The following DENND4A variants were observed in gnomAD, a reference collection of about 807,000 sequenced individuals.
The protein encoded by DENND4A is C-myc promoter-binding protein.
In DENND4A, 70 loss-of-function variants were observed where a neutral mutation model predicts 199.3. That is an observed-to-expected ratio of 0.35 (90% CI 0.29 to 0.43). The LOEUF (loss-of-function observed/expected upper bound fraction) is 0.43, where lower values mean the gene tolerates loss of function less well. Among genes scored for constraint, DENND4A ranks in the 20% least tolerant of loss-of-function variants. The pLI is 1.00. For missense variants in DENND4A, 1,723 were observed against 2,255.8 expected (o/e 0.76, Z 4.78); for synonymous variants, 686 against 766.9 (o/e 0.89, Z 1.74).
chr15:65,740,867 CAAGA>C (rs2076242852), intron 5 of DENND4A, among the ~76,000 whole-genome samples: 3 of 151,832 alleles, frequency 2.0e-5, no homozygotes, highest in African/African-American at 7.3e-5. Flanking sequence ...GAGACTGAGG[CAAGA>C]GGATACCTTG....
chr15:65,676,144 ATATAT>A (rs2076372396), intron 24 of DENND4A, among the ~76,000 whole-genome samples: 1 of 133,004 alleles, frequency 7.5e-6, no homozygotes, highest in South Asian at 2.5e-4. Flanking sequence ...AAGGAAAAAT[ATATAT>A]ATATATATAT....
intron 4 of DENND4A, among the ~76,000 whole-genome samples, chr15:65,747,568 T>C (rs2076434444): frequency 6.6e-6 from 1 of 152,108 alleles, no homozygotes; most frequent in African/African-American, 2.4e-5. Context: ...CTGATTTTAA[T>C]CACTATGAAA....
chr15:65,680,339 C>CTTT (rs2076528927), intron 23 of DENND4A, among the ~76,000 whole-genome samples: 1 of 152,092 alleles, frequency 6.6e-6, no homozygotes, highest in Admixed American at 6.5e-5. Context: ...TGATGGCATA[C>CTTT]TTTTCTTCTT....
intron 1 of DENND4A, among the ~76,000 whole-genome samples, chr15:65,775,735 T>C (rs934886631): frequency 5.3e-5 from 8 of 150,512 alleles, no homozygotes; most frequent in Non-Finnish European, 5.9e-5. Context: ...ATCAAAATTA[T>C]ATAACAAAAA....
intron 2 of DENND4A, among the ~76,000 whole-genome samples, chr15:65,758,646 A>G (rs1249783684): frequency 1.3e-5 from 2 of 152,328 alleles, no homozygotes; most frequent in East Asian, 1.9e-4. Context: ...TACATTCCAC[A>G]GTACCATCAT....
chr15:65,739,790 G>C (rs1223360032), intron 5 of DENND4A, among the ~76,000 whole-genome samples: 1 of 152,138 alleles, frequency 6.6e-6, no homozygotes, highest in African/African-American at 2.4e-5. Flanking sequence ...TTACATGCTA[G>C]CCAGCAAGTA....
At chr15:65,789,783 T>C (rs1215764343) in intron 1 of DENND4A, among the ~76,000 whole-genome samples, 1 of 152,210 alleles carries the variant, frequency 6.6e-6, no homozygotes, top group Admixed American at 6.5e-5. Flanking sequence ...TAGAATGCTT[T>C]GAAAAATTCT....
chr15:65,758,217 G>T (rs1175503675), intron 2 of DENND4A, among the ~76,000 whole-genome samples: 1 of 152,184 alleles, frequency 6.6e-6, no homozygotes. Flanking sequence ...TAACAGTAAT[G>T]CATGCTTACA....
chr15:65,698,210 A>G (rs1279846393), intron 20 of DENND4A, among the ~76,000 whole-genome samples: 4 of 152,220 alleles, frequency 2.6e-5, no homozygotes, highest in Non-Finnish European at 5.9e-5. Flanking sequence ...TCAAGGCTGC[A>G]GTGAACTATG....
intron 7 of DENND4A, among the ~76,000 whole-genome samples, chr15:65,734,013 G>T (rs956916178): frequency 9.2e-5 from 14 of 152,224 alleles, no homozygotes; most frequent in African/African-American, 3.4e-4. Context: ...CCATGTGATA[G>T]TCTGAAATAT....
chr15:65,773,757 C>A (rs886649694), intron 1 of DENND4A, among the ~76,000 whole-genome samples: 1 of 152,180 alleles, frequency 6.6e-6, no homozygotes, highest in African/African-American at 2.4e-5. Flanking sequence ...CATACACACA[C>A]CACTGCTGCC....
intron 1 of DENND4A, chr15:65,771,795 A>G: frequency 6.2e-7 from 1 of 1,613,742 alleles, no homozygotes; most frequent in Non-Finnish European, 8.5e-7. Context: ...CTTGTTCTTC[A>G]TTGCCCGTGA....
At chr15:65,753,382 G>A (rs1033146891) in intron 3 of DENND4A, among the ~76,000 whole-genome samples, 15 of 152,088 alleles carry the variant, frequency 9.9e-5, no homozygotes, top group Middle Eastern at 3.4e-3. Flanking sequence ...ACAGAGTCTC[G>A]GAGTCTCACT....
chr15:65,729,725 C>T (rs768323307), intron 9 of DENND4A, 47 bp from the exon 10 acceptor site: 4 of 1,506,884 alleles, frequency 2.7e-6, no homozygotes, highest in South Asian at 2.5e-5. Flanking sequence ...ATGATCCAAA[C>T]ACCTCATTAT....
intron 1 of DENND4A, among the ~76,000 whole-genome samples, chr15:65,790,525 T>A (rs985604774): frequency 6.6e-6 from 1 of 152,158 alleles, no homozygotes; most frequent in African/African-American, 2.4e-5. Flanking sequence ...TAGGTCTATG[T>A]TTAATCATTC....
intron 1 of DENND4A, among the ~76,000 whole-genome samples, chr15:65,769,566 A>G (rs2077075257): frequency 6.6e-6 from 1 of 152,230 alleles, no homozygotes; most frequent in Non-Finnish European, 1.5e-5. Context: ...GGGACCAAAA[A>G]AAGTATAAAT....
At chr15:65,715,235 G>T (rs2140252323) in intron 14 of DENND4A, 1 of 332,914 alleles carries the variant, frequency 3.0e-6, no homozygotes, top group Non-Finnish European at 5.4e-6. Flanking sequence ...GGGAGGGTTA[G>T]GACTTGATTG....
intron 1 of DENND4A, among the ~76,000 whole-genome samples, chr15:65,770,868 T>C (rs2077107606): frequency 6.6e-6 from 1 of 152,018 alleles, no homozygotes; most frequent in Non-Finnish European, 1.5e-5. Context: ...AGGGAAAAAA[T>C]GGAGAATCAC....
chr15:65,737,879 GTC>G lies in DENND4A; in HGVS notation c.866_867del (p.Arg289ThrfsTer13). ...TCTGCTGATGTTAAACCCAAAAGAA[GTC>G]TCTGCTTTTCTGTGAGATTCTCCTC... is the stretch of plus-strand genomic sequence containing the variant. ...YSEENLTEKQ[R>X]LLLGLTSADG... is the part of the protein sequence containing the mutation. On this transcript the variant is annotated frameshift_variant, in exon 7 of 33. Coordinates refer to ENST00000443035, the MANE Select transcript of DENND4A (RefSeq NM_001320835.1). LOFTEE classifies it high-confidence loss of function. 3 of 1,605,054 alleles carry G rather than the reference GTC, an allele frequency of 1.9e-6. No homozygotes were observed. Among genetic ancestry groups the G allele is most frequent in the Non-Finnish European group, 1.7e-6 (2 of 1,175,326 alleles).
Sources: gnomAD v4.1 joint callset for allele counts (sites outside exome capture counted in the v4.1 genomes callset) on GRCh38, gnomAD v4.1.1 for gene constraint, MANE v1.5 for transcripts, NCBI Gene and HGNC (gene_info 2026-07-23, HGNC 2026-07-21) for gene names.